Variants in NDUFAF2 observed in about 807,000 individuals in gnomAD.
The protein encoded by NDUFAF2 is NADH dehydrogenase [ubiquinone] 1 alpha subcomplex assembly factor 2.
In NDUFAF2, 13 loss-of-function variants were observed where a neutral mutation model predicts 22.8. That is an observed-to-expected ratio of 0.57 (90% CI 0.37 to 0.91). The LOEUF (loss-of-function observed/expected upper bound fraction) is 0.91, where lower values mean the gene tolerates loss of function less well. Among genes scored for constraint, NDUFAF2 ranks in the 40% least tolerant of loss-of-function variants. The probability of loss-of-function intolerance (pLI) is 0.01; values close to 1 mark genes in which losing one functional copy is unlikely to be tolerated. For missense variants in NDUFAF2, 162 were observed against 195.2 expected (o/e 0.83, Z 1.01); for synonymous variants, 53 against 64.2 (o/e 0.83, Z 0.84).
At chr5:60,993,019 T>G (rs1751181069) in intron 1 of NDUFAF2, among the ~76,000 whole-genome samples, 1 of 152,236 alleles carries the variant, frequency 6.6e-6, no homozygotes, top group Non-Finnish European at 1.5e-5. Flanking sequence ...CAGGCCGTGC[T>G]TGGCTCAGGC....
intron 1 of NDUFAF2, among the ~76,000 whole-genome samples, chr5:60,992,733 CT>C (rs905953859): frequency 1.5e-4 from 23 of 150,860 alleles, no homozygotes; most frequent in South Asian, 2.1e-4. Flanking sequence ...AACCCCTCAG[CT>C]TTTTTTTTGT....
chr5:60,990,076 A>G (rs1455692305), intron 1 of NDUFAF2, among the ~76,000 whole-genome samples: 1 of 152,198 alleles, frequency 6.6e-6, no homozygotes, highest in Non-Finnish European at 1.5e-5. Context: ...ATATATTCTC[A>G]CTTATTTGTG....
intron 1 of NDUFAF2, among the ~76,000 whole-genome samples, chr5:60,961,974 A>T (rs1301329331): frequency 1.3e-5 from 2 of 151,838 alleles, no homozygotes; most frequent in African/African-American, 2.4e-5. Flanking sequence ...AAAAAAAAAA[A>T]TCTTAAAAAA....
At chr5:61,129,535 T>C (rs370816080) in intron 3 of NDUFAF2, among the ~76,000 whole-genome samples, 2 of 150,944 alleles carry the variant, frequency 1.3e-5, no homozygotes, top group African/African-American at 2.4e-5. Flanking sequence ...AGCAAACTAT[T>C]GCAAGGACAA....
intron 1 of NDUFAF2, among the ~76,000 whole-genome samples, chr5:61,066,462 C>T (rs1752229329): frequency 6.6e-6 from 1 of 152,026 alleles, no homozygotes; most frequent in African/African-American, 2.4e-5. Context: ...TAAACACTTA[C>T]TTTCTGATTT....
Position 61,152,802 on chromosome 5 carries a change from A to G in NDUFAF2, c.357A>G (p.Glu119=). Residue 119 remains glutamate, a synonymous_variant, in exon 4 of 4, where the codon GAA becomes GAG. Transcript: ENST00000296597. The part of the protein sequence containing the change: ...EKLLSKETSE[E]LLPPPVQTQI... ...TCCTTAGTAAAGAGACCAGTGAGGA[A>G]CTCCTGCCTCCACCAGTTCAAACTC... is the stretch of plus-strand genomic sequence containing the variant. 3 of 1,601,872 alleles carry G rather than the reference A, an allele frequency of 1.9e-6. No individual in the cohort carries two copies. Among genetic ancestry groups the G allele is most frequent in the Non-Finnish European group, 2.6e-6 (3 of 1,173,356 alleles).
intron 3 of NDUFAF2, among the ~76,000 whole-genome samples, chr5:61,135,530 T>C (rs1266758376): frequency 6.6e-6 from 1 of 152,210 alleles, no homozygotes; most frequent in Non-Finnish European, 1.5e-5. Flanking sequence ...ATTGGTCATG[T>C]GTGATCTCTG....
At chr5:60,997,609 T>A (rs769422882) in intron 1 of NDUFAF2, among the ~76,000 whole-genome samples, 20 of 152,200 alleles carry the variant, frequency 1.3e-4, no homozygotes, top group Admixed American at 4.6e-4. Flanking sequence ...AGATTTTAAC[T>A]AGAAAATAAA....
At chr5:60,964,335 A>ATATG (rs1368894838) in intron 1 of NDUFAF2, among the ~76,000 whole-genome samples, 1 of 152,062 alleles carries the variant, frequency 6.6e-6, no homozygotes, top group Non-Finnish European at 1.5e-5. Flanking sequence ...ATGTTTTGAT[A>ATATG]TATGTATATA....
intron 1 of NDUFAF2, among the ~76,000 whole-genome samples, chr5:61,020,100 A>G (rs1390198545): frequency 6.6e-6 from 1 of 152,118 alleles, no homozygotes; most frequent in African/African-American, 2.4e-5. Context: ...TTTGTATAAC[A>G]TTATTTATTG....
At chr5:60,969,526 A>G (rs756894214) in intron 1 of NDUFAF2, among the ~76,000 whole-genome samples, 4 of 151,978 alleles carry the variant, frequency 2.6e-5, no homozygotes, top group Non-Finnish European at 5.9e-5. Flanking sequence ...GAAAATGTGT[A>G]TTCAGATGTT....
At chr5:61,099,416 C>T (rs1277073632) in intron 3 of NDUFAF2, among the ~76,000 whole-genome samples, 2 of 151,140 alleles carry the variant, frequency 1.3e-5, no homozygotes, top group Non-Finnish European at 2.9e-5. Flanking sequence ...CACTGAATCT[C>T]TTTGTCTTGT....
At chr5:61,108,700 C>T (rs1023907902) in intron 3 of NDUFAF2, among the ~76,000 whole-genome samples, 1 of 152,136 alleles carries the variant, frequency 6.6e-6, no homozygotes, top group African/African-American at 2.4e-5. Context: ...TTCCCAGCAC[C>T]ATTTATTGAA....
At chr5:60,956,337 CATTT>C (rs1351424006) in intron 1 of NDUFAF2, among the ~76,000 whole-genome samples, 1 of 151,998 alleles carries the variant, frequency 6.6e-6, no homozygotes, top group East Asian at 1.9e-4. Flanking sequence ...ATTTGGATGC[CATTT>C]ATTTGTTTTT....
At chr5:60,980,524 C>T (rs1750962645) in intron 1 of NDUFAF2, among the ~76,000 whole-genome samples, 1 of 152,086 alleles carries the variant, frequency 6.6e-6, no homozygotes, top group Non-Finnish European at 1.5e-5. Flanking sequence ...ATAATCCCAG[C>T]ACTTTGGGAG....
rs1162143447 is a variant in NDUFAF2 at position 61,073,178 on chromosome 5, GACT to G, written c.183_185del (p.Tyr62del). 4 of 1,613,164 alleles carry G rather than the reference GACT, an allele frequency of 2.5e-6. No individual in the cohort carries two copies. Among genetic ancestry groups the G allele is most frequent in the Non-Finnish European group, 3.4e-6 (4 of 1,179,468 alleles). On this transcript the variant is annotated inframe_deletion, in exon 2 of 4. Transcript: ENST00000296597. ...AGAAGCAGCAAATAAAAAAGAAGTA[GACT>G]ATGAAGCAGGGGATATTCCAACAGA... is the stretch of plus-strand genomic sequence containing the variant.
chr5:61,143,000 T>C (rs758844823), intron 3 of NDUFAF2, among the ~76,000 whole-genome samples: 1 of 152,174 alleles, frequency 6.6e-6, no homozygotes, highest in Non-Finnish European at 1.5e-5. Flanking sequence ...GCAATAAAAT[T>C]CGAGCTGAGA....
At chr5:61,046,549 A>G (rs1230584783) in intron 1 of NDUFAF2, among the ~76,000 whole-genome samples, 2 of 152,090 alleles carry the variant, frequency 1.3e-5, no homozygotes, top group Non-Finnish European at 2.9e-5. Flanking sequence ...ATATTTAACC[A>G]TAGTCTTAAT....
intron 1 of NDUFAF2, among the ~76,000 whole-genome samples, chr5:61,048,705 G>A (rs1168567637): frequency 1.1e-4 from 17 of 152,094 alleles, no homozygotes; most frequent in Admixed American, 1.1e-3. Flanking sequence ...AATTCTTCCT[G>A]TAACCTTTGT....
Sources: allele counts gnomAD v4.1 joint callset (sites outside exome capture counted in the v4.1 genomes callset), GRCh38; gene constraint gnomAD v4.1.1; transcripts MANE v1.5; gene names NCBI Gene and HGNC (gene_info 2026-07-23, HGNC 2026-07-21).